Variants in RPS6KA5 observed in about 807,000 individuals in gnomAD.
RPS6KA5 encodes the protein ribosomal protein S6 kinase alpha-5.
A neutral mutation model predicts 85.5 loss-of-function variants in RPS6KA5; 27 were observed. The observed-to-expected ratio is 0.32, with a 90% CI of 0.23 to 0.44. The LOEUF (loss-of-function observed/expected upper bound fraction) is 0.44. RPS6KA5 is among the 20% of genes least tolerant of loss of function. RPS6KA5 has a pLI of 1.00. For synonymous variants in RPS6KA5, 334 were observed against 348.2 expected (o/e 0.96, Z 0.46); for missense variants, 811 against 980.9 (o/e 0.83, Z 2.31).
At chr14:91,035,588 T>A (rs955306715) in intron 1 of RPS6KA5, among the ~76,000 whole-genome samples, 1 of 151,080 alleles carries the variant, frequency 6.6e-6, no homozygotes, top group Non-Finnish European at 1.5e-5. Context: ...TTGGAAACAC[T>A]GCAGTAAAGG....
rs1595538135 is a variant in RPS6KA5 at position 91,042,398 on chromosome 14, G to A, written c.103+17934C>T. On this transcript the variant is annotated intron_variant, in intron 1 of 16. Transcript: ENST00000614987. The stretch of plus-strand genomic sequence containing the variant: ...TTGGTGGCACGCGCCTGTAATCCCA[G>A]CTATTCCGGAGGCTGAGGCAGAGAA... Among the ~76,000 whole-genome samples, 7 of 152,196 alleles carry A rather than the reference G, an allele frequency of 4.6e-5. No homozygotes were observed. The South Asian group carries it at 1.5e-3, about 32-fold the overall frequency.
chr14:90,975,222 A>G (rs1459446653), intron 3 of RPS6KA5, among the ~76,000 whole-genome samples: 1 of 152,212 alleles, frequency 6.6e-6, no homozygotes, highest in African/African-American at 2.4e-5. Flanking sequence ...TTACTTAGTC[A>G]TCAGACAAAC....
intron 1 of RPS6KA5, among the ~76,000 whole-genome samples, chr14:91,042,300 G>A (rs1405957231): frequency 5.9e-5 from 9 of 152,106 alleles, no homozygotes; most frequent in Admixed American, 5.9e-4. Flanking sequence ...CACGAGGTCA[G>A]GAGTTCAAGA....
At chr14:90,978,266 A>G (rs764712091) in intron 3 of RPS6KA5, 40 bp downstream of exon 3, 108 of 1,466,850 alleles carry the variant, frequency 7.4e-5, no homozygotes, top group Middle Eastern at 7.0e-4. Context: ...ACCCAAAGAA[A>G]AGTGTTTTCA....
intron 11 of RPS6KA5, 125 bp from the exon 12 acceptor site, chr14:90,899,547 ATGAGGTTTC>A: frequency 1.6e-6 from 1 of 613,240 alleles, no homozygotes; most frequent in Non-Finnish European, 2.9e-6. Context: ...GTATACTGTA[ATGAGGTTTC>A]CATGAAAGTA....
At chr14:90,891,735 A>G (rs1194825937) in intron 13 of RPS6KA5, among the ~76,000 whole-genome samples, 3 of 152,220 alleles carry the variant, frequency 2.0e-5, no homozygotes, top group African/African-American at 7.2e-5. Context: ...AACATTAACT[A>G]AAAATTGTCT....
At position 90,978,343 on chromosome 14, in the gene RPS6KA5, A is replaced by G. The variant is rs1351100919; in HGVS notation, c.357T>C (p.Tyr119=). The G allele has an allele frequency of 3.7e-6, 6 of 1,612,068 alleles. No individual in the cohort carries two copies. Among genetic ancestry groups the G allele is most frequent in the Non-Finnish European group, 5.1e-6 (6 of 1,179,410 alleles). The change falls in exon 3 of 17, where the codon TAT becomes TAC. Residue 119 remains tyrosine (Y), a synonymous_variant. Coordinates refer to ENST00000614987, the MANE Select transcript of RPS6KA5 (RefSeq NM_004755.4). ...GAAGTTTGGTTTCTGTCTGGAAAGC[A>G]TAATGTAATGTTACCAAAAATGGCG... ...RQSPFLVTLH[Y]AFQTETKLHL...
intron 1 of RPS6KA5, among the ~76,000 whole-genome samples, chr14:91,054,347 A>G (rs1401169900): frequency 6.6e-6 from 1 of 152,162 alleles, no homozygotes; most frequent in African/African-American, 2.4e-5. Flanking sequence ...AACATTAAAG[A>G]CTTTTAGGGC....
chr14:90,934,528 A>G (rs934096873), intron 5 of RPS6KA5, among the ~76,000 whole-genome samples: 2 of 152,214 alleles, frequency 1.3e-5, no homozygotes, highest in African/African-American at 2.4e-5. Flanking sequence ...ATAGTTATCA[A>G]GTAAATTTAA....
At chr14:90,938,678 T>G (rs1371447898) in intron 5 of RPS6KA5, among the ~76,000 whole-genome samples, 1 of 152,228 alleles carries the variant, frequency 6.6e-6, no homozygotes, top group Non-Finnish European at 1.5e-5. Flanking sequence ...GGCTTGAGGC[T>G]TCCATCCTCT....
At chr14:91,037,783 C>T (rs1001528414) in intron 1 of RPS6KA5, among the ~76,000 whole-genome samples, 5 of 152,198 alleles carry the variant, frequency 3.3e-5, no homozygotes, top group African/African-American at 9.6e-5. Context: ...TTACGAATAG[C>T]GTTCCCATGT....
intron 14 of RPS6KA5, among the ~76,000 whole-genome samples, chr14:90,877,147 G>C (rs1481346784): frequency 6.6e-6 from 1 of 152,206 alleles, no homozygotes; most frequent in Non-Finnish European, 1.5e-5. Flanking sequence ...CTTTGGACAA[G>C]TTTGGATTTT....
chr14:90,891,805 G>A (rs1482741703), intron 13 of RPS6KA5, among the ~76,000 whole-genome samples: 1 of 152,156 alleles, frequency 6.6e-6, no homozygotes, highest in Non-Finnish European at 1.5e-5. Flanking sequence ...CACGGCTGGG[G>A]TTGATGGATG....
At chr14:91,056,914 T>C (rs1052051335) in intron 1 of RPS6KA5, among the ~76,000 whole-genome samples, 7 of 133,500 alleles carry the variant, frequency 5.2e-5, no homozygotes, top group Non-Finnish European at 1.1e-4. Flanking sequence ...GGAGTCTTGC[T>C]CTGTTGTCAG....
rs751118315 is a variant in RPS6KA5 at position 90,981,053 on chromosome 14, C to T, written c.176-2529G>A. Among the ~76,000 whole-genome samples the T allele has an allele frequency of 2.3e-4, 35 of 152,194 alleles. 1 individual carries two copies. The highest frequency in any genetic ancestry group is 5.0e-4 in the Non-Finnish European group (34 of 68,030). On this transcript the variant is annotated intron_variant, in intron 2 of 16. Transcript: ENST00000614987. ...GAGCATGGTGGCCTATGCCTGTAAT[C>T]CCAGCTCCTCGGGAGGCTGAGGCAG...
At chr14:90,890,756 T>C (rs767351047) in intron 13 of RPS6KA5, 78 bp from the exon 14 acceptor site, 3 of 1,293,996 alleles carry the variant, frequency 2.3e-6, no homozygotes, top group Non-Finnish European at 3.3e-6. Flanking sequence ...TGTAACACTT[T>C]GTATATTGAT....
At chr14:90,962,550 G>A (rs879584499) in intron 3 of RPS6KA5, among the ~76,000 whole-genome samples, 2 of 151,560 alleles carry the variant, frequency 1.3e-5, no homozygotes, top group Admixed American at 6.6e-5. Context: ...GCCTCCCAAA[G>A]TGCTGGGATT....
At chr14:90,970,764 A>C (rs2039281695) in intron 3 of RPS6KA5, among the ~76,000 whole-genome samples, 1 of 152,224 alleles carries the variant, frequency 6.6e-6, no homozygotes, top group African/African-American at 2.4e-5. Context: ...GTAACCATGC[A>C]CAGGTACAGA....
Position 90,955,544 on chromosome 14 carries a change from G to C in RPS6KA5, c.395-7994C>G, listed in dbSNP as rs571909652. ...ATTTAGGAGTACATTGTTTCCTATG[G>C]TTGTGAATATCCCAAATTTCTTTTT... On this transcript the variant is annotated intron_variant, in intron 3 of 16. Coordinates refer to ENST00000614987, the MANE Select transcript of RPS6KA5 (RefSeq NM_004755.4). 5.9e-5 allele frequency among the ~76,000 whole-genome samples: 9 copies of C among 152,204 alleles called. No homozygotes were observed. In the South Asian group the frequency reaches 1.9e-3, roughly 32 times the overall value.
Sources: gnomAD v4.1 joint callset for allele counts (sites outside exome capture counted in the v4.1 genomes callset) on GRCh38, gnomAD v4.1.1 for gene constraint, MANE v1.5 for transcripts, NCBI Gene and HGNC (gene_info 2026-07-23, HGNC 2026-07-21) for gene names.